Variants in METRN observed in about 807,000 individuals in gnomAD.
METRN encodes meteorin, glial cell differentiation regulator, also known as meteorin.
In METRN, 17 loss-of-function variants were observed where a neutral mutation model predicts 17.4. The observed-to-expected ratio is 0.98, with a 90% CI of 0.67 to 1.46. The LOEUF (loss-of-function observed/expected upper bound fraction) is 1.46, where lower values mean the gene tolerates loss of function less well. Ranked by LOEUF, METRN falls within the 40% of genes most tolerant of loss-of-function variation. METRN has a pLI of 0.00. For synonymous variants in METRN, 230 were observed against 210.8 expected (o/e 1.09, Z -0.79); for missense variants, 489 against 456.2 (o/e 1.07, Z -0.65).
rs1011914002 is a variant in METRN at position 717,421 on chromosome 16, G to A, written c.*34G>A. Reference sequence around the variant, plus strand: ...GTGCTGGGGAGGGGCTGGTAGGAGGGAGGGTGGGCCCACTGCTTTGGAGGT... The same window carrying A: ...GTGCTGGGGAGGGGCTGGTAGGAGGAAGGGTGGGCCCACTGCTTTGGAGGT... On this transcript the variant is annotated 3_prime_UTR_variant, in exon 4 of 4. Transcript: ENST00000568223. 3.0e-5 allele frequency: 36 copies of A among 1,186,586 alleles called. No individual in the cohort carries two copies. The Admixed American group carries it at 7.9e-4, about 26-fold the overall frequency. 73.5% of individuals were successfully genotyped at this position (1,186,586 alleles called of 1,614,324 possible). A position where few individuals can be genotyped will look rare whatever the true frequency, so the allele number is the denominator to read the frequency against.
At position 719,335 on chromosome 16, in the gene METRN, C is replaced by G. The variant is rs1001191934; in HGVS notation, c.*1948C>G. The G allele has an allele frequency of 5.9e-5, 9 of 152,306 alleles. No individual in the cohort carries two copies. The highest frequency in any genetic ancestry group is 2.2e-4 in the African/African-American group (9 of 41,440). 9.4% of individuals were successfully genotyped at this position (152,306 alleles called of 1,614,324 possible). On this transcript the variant is annotated 3_prime_UTR_variant, in exon 4 of 4. Coordinates refer to ENST00000568223, the MANE Select transcript of METRN (RefSeq NM_024042.4). ...CATGCCTGCCCTGGGGACAGGTGGC[C>G]AAAGTGGCATGGGAGATAGGGAGAC...
Position 715,293 on chromosome 16 carries a change from G to A in METRN, c.4G>A (p.Gly2Arg), listed in dbSNP as rs2040150715. 2 of 1,329,414 alleles carry A rather than the reference G, an allele frequency of 1.5e-6. No individual in the cohort carries two copies. Among genetic ancestry groups the A allele is most frequent in the African/African-American group, 1.5e-5 (1 of 65,038 alleles). 82.4% of individuals were successfully genotyped at this position (1,329,414 alleles called of 1,614,324 possible). Reference sequence around the variant, plus strand: ...CCCGGACGCCGCCCGCCGTGCCATGGGGTTCCCGGCCGCGGCGCTGCTCTG... The same window carrying A: ...CCCGGACGCCGCCCGCCGTGCCATGAGGTTCCCGGCCGCGGCGCTGCTCTG... M[G>R]FPAAALLCAL... The change falls in exon 1 of 4, where the codon GGG becomes AGG. Residue 2 changes from glycine (G) to arginine (R), a missense_variant. Gly to Arg is a moderately radical substitution (Grantham distance 125). Transcript: ENST00000568223.
chr16:716,899 A>G, intron 2 of METRN, 34 bp from the exon 3 acceptor site: 1 of 1,534,876 alleles, frequency 6.5e-7, no homozygotes, highest in South Asian at 1.3e-5. Context: ...GGGAGAGGGC[A>G]GGGCCTCTCC....
rs929784240 is a variant in METRN at position 717,375 on chromosome 16, G to C, written c.870G>C (p.Val290=). The C allele has an allele frequency of 8.1e-5, 117 of 1,447,824 alleles. No individual in the cohort carries two copies. The highest frequency in any genetic ancestry group is 1.0e-4 in the Non-Finnish European group (112 of 1,103,610). 89.7% of individuals were successfully genotyped at this position (1,447,824 alleles called of 1,614,324 possible). A position where few individuals can be genotyped will look rare whatever the true frequency, so the allele number is the denominator to read the frequency against. ...ARAAHLHPCE[V]ALH is the part of the protein sequence containing the mutation. Reference sequence around the variant, plus strand: ...CTGCCCACCTCCACCCCTGCGAGGTGGCGCTGCACTGAGGGGCTGGGTGCT... The same window carrying C: ...CTGCCCACCTCCACCCCTGCGAGGTCGCGCTGCACTGAGGGGCTGGGTGCT... Residue 290 remains valine (V), a synonymous_variant, in exon 4 of 4, where the codon GTG becomes GTC. Coordinates refer to ENST00000568223, the MANE Select transcript of METRN (RefSeq NM_024042.4).
In METRN at chr16:717,217, AC is replaced by A; in HGVS notation, c.716del (p.Pro239HisfsTer76). The A allele has an allele frequency of 6.3e-7, 1 of 1,593,688 alleles. No individual in the cohort carries two copies. On this transcript the variant is annotated frameshift_variant, in exon 4 of 4. Transcript: ENST00000568223. LOFTEE classifies it low-confidence loss of function (END_TRUNC). ...SGDQGLTSIR[T>X]PLRCGVHPGP... ...GGACCAGGGGCTGACCTCCATTCGT[AC>A]CCCACTGCGCTGTGGCGTCCACCCG...
At position 718,525 on chromosome 16, in the gene METRN, AAC is replaced by A. The variant is rs1353306442; in HGVS notation, c.*1141_*1142del. The A allele has an allele frequency of 6.6e-6, 1 of 152,302 alleles. No homozygotes were observed. Among genetic ancestry groups the A allele is most frequent in the Non-Finnish European group, 1.5e-5 (1 of 68,102 alleles). 9.4% of individuals were successfully genotyped at this position (152,302 alleles called of 1,614,324 possible). A position where few individuals can be genotyped will look rare whatever the true frequency, so the allele number is the denominator to read the frequency against. ...GGGACACAGCTGTGCAGGGCCCACA[AAC>A]ACGGTCCTTTCTCTAGGTTAGCGGA... On this transcript the variant is annotated 3_prime_UTR_variant, in exon 4 of 4. Transcript: ENST00000568223.
chr16:715,682 C>A lies in METRN; in HGVS notation c.203C>A (p.Thr68Asn), dbSNP rs780915872. ...WLYPAGALRL[T>N]LGGPDPRARP... ...TACCCGGCTGGGGCGCTGCGCCTGA[C>A]CCTGGGCGGCCCCGATCCCAGAGCG... Residue 68 changes from threonine (T) to asparagine (N), a missense_variant, in exon 2 of 4, where the codon ACC (threonine) becomes AAC (asparagine). By Grantham distance (65) the Thr-to-Asn change is moderately conservative (BLOSUM62 0). Transcript: ENST00000568223. The A allele has an allele frequency of 1.6e-5, 23 of 1,411,472 alleles. No homozygotes were observed. The highest frequency in any genetic ancestry group is 9.2e-7 in the Non-Finnish European group (1 of 1,085,710). 87.4% of individuals were successfully genotyped at this position (1,411,472 alleles called of 1,614,324 possible). A position where few individuals can be genotyped will look rare whatever the true frequency, so the allele number is the denominator to read the frequency against.
chr16:716,129 G>GGGACTGCTGGGGAGGGAT (rs1255376960), intron 2 of METRN, 145 bp downstream of exon 2: 131 of 1,351,974 alleles, frequency 9.7e-5, no homozygotes, highest in Non-Finnish European at 1.2e-4. Context: ...CACACAGCCT[G>GGGACTGCTGGGGAGGGAT]GGACTGCTGG....
rs919593843 is a variant in METRN, at chr16:716,982, C to T, written c.555C>T (p.Thr185=). 14 of 1,604,786 alleles carry T rather than the reference C, an allele frequency of 8.7e-6. No individual in the cohort carries two copies. Among genetic ancestry groups the T allele is most frequent in the African/African-American group, 1.3e-5 (1 of 74,918 alleles). ...CTGAGCTGCTCCTGGCCGCATGCACCAGCGACTTCGGTGAGTGTCCCCGCC... is the reference window on the plus strand; with the variant it reads ...CTGAGCTGCTCCTGGCCGCATGCACTAGCGACTTCGGTGAGTGTCCCCGCC... ...SDAELLLAAC[T]SDFVIHGIIH... The change falls in exon 3 of 4, where the codon ACC becomes ACT. Residue 185 remains threonine (T), a synonymous_variant. Transcript: ENST00000568223.
Position 717,373 on chromosome 16 carries a change from GT to G in METRN, c.869del (p.Val290GlyfsTer25). On this transcript the variant is annotated frameshift_variant, in exon 4 of 4. Transcript: ENST00000568223. LOFTEE classifies it high-confidence loss of function. ...TGCTGCCCACCTCCACCCCTGCGAG[GT>G]GGCGCTGCACTGAGGGGCTGGGTGC... ...ARAAHLHPCE[V>X]ALH 1 of 1,457,836 alleles carries G rather than the reference GT, an allele frequency of 6.9e-7. No homozygotes were observed. Among genetic ancestry groups the G allele is most frequent in the East Asian group, 2.5e-5 (1 of 40,456 alleles). 90.3% of individuals were successfully genotyped at this position (1,457,836 alleles called of 1,614,324 possible).
Position 715,691 on chromosome 16 carries a change from GC to G in METRN, c.216del (p.Asp73IlefsTer95), listed in dbSNP as rs1415691730. ...GGGGCGCTGCGCCTGACCCTGGGCG[GC>G]CCCGATCCCAGAGCGCGGCCCGGCA... ...PAGALRLTLG[G>X]PDPRARPGIA... On this transcript the variant is annotated frameshift_variant, in exon 2 of 4. Transcript: ENST00000568223. LOFTEE classifies it high-confidence loss of function. 1.4e-6 allele frequency: 2 copies of G among 1,402,940 alleles called. No homozygotes were observed. The highest frequency in any genetic ancestry group is 1.5e-5 in the South Asian group (1 of 67,048). The allele number at this position is 1,402,940 out of a possible 1,614,324, so 86.9% of individuals were successfully genotyped here.
intron 2 of METRN, 128 bp downstream of exon 2, chr16:716,112 G>A: frequency 7.5e-7 from 1 of 1,339,806 alleles, no homozygotes; most frequent in African/African-American, 1.5e-5. Flanking sequence ...GGATGGGCTT[G>A]TCAGGCCACA....
chr16:717,354 C>G lies in METRN; in HGVS notation c.849C>G (p.Ala283=). 2 of 1,469,754 alleles carry G rather than the reference C, an allele frequency of 1.4e-6. No individual in the cohort carries two copies. The highest frequency in any genetic ancestry group is 1.8e-6 in the Non-Finnish European group (2 of 1,112,746). 91.0% of individuals were successfully genotyped at this position (1,469,754 alleles called of 1,614,324 possible). The change falls in exon 4 of 4, where the codon GCC becomes GCG. Residue 283 remains alanine, a synonymous_variant. Transcript: ENST00000568223. ...GTGCCTACGAGGCTGCCCGTGCTGC[C>G]CACCTCCACCCCTGCGAGGTGGCGC... The part of the protein sequence containing the change: ...FRRAYEAARA[A]HLHPCEVALH
chr16:717,150 C>A lies in METRN; in HGVS notation c.645C>A (p.Val215=), dbSNP rs2040167898. The change falls in exon 4 of 4, where the codon GTC becomes GTA. Residue 215 remains valine (V), a synonymous_variant. Coordinates refer to ENST00000568223, the MANE Select transcript of METRN (RefSeq NM_024042.4). ...TCATCACTGTGGTGGCCGCCCGTGT[C>A]CTCCGCCAGACACCGCCGCTGTTCC... ...ESVITVVAAR[V]LRQTPPLFQA... 6.2e-7 allele frequency: 1 copy of A among 1,603,270 alleles called. No homozygotes were observed.
In METRN at chr16:716,457, C is replaced by T. The variant is rs1483526272; in HGVS notation, c.505+473C>T. ...CTTGCTTGGCTCTCCTGGAGCTTGG[C>T]GCCTGACCCTGAAAGGGATGGGCTC... On this transcript the variant is annotated intron_variant, in intron 2 of 3. Transcript: ENST00000568223. 23 of 1,440,196 alleles carry T rather than the reference C, an allele frequency of 1.6e-5. No homozygotes were observed. In the East Asian group the frequency reaches 3.7e-4, roughly 23 times the overall value. The allele number at this position is 1,440,196 out of a possible 1,614,324, so 89.2% of individuals were successfully genotyped here.
chr16:717,366 CT>C lies in METRN; in HGVS notation c.862del (p.Cys288AlafsTer27). On this transcript the variant is annotated frameshift_variant, in exon 4 of 4. Transcript: ENST00000568223. LOFTEE classifies it high-confidence loss of function. Reference sequence around the variant, plus strand: ...CTGCCCGTGCTGCCCACCTCCACCCCTGCGAGGTGGCGCTGCACTGAGGGGC... The same window carrying C: ...CTGCCCGTGCTGCCCACCTCCACCCCGCGAGGTGGCGCTGCACTGAGGGGC... ...EAARAAHLHP[C>X]EVALH The C allele has an allele frequency of 7.0e-7, 1 of 1,430,758 alleles. No homozygotes were observed. Among genetic ancestry groups the C allele is most frequent in the Non-Finnish European group, 9.1e-7 (1 of 1,096,122 alleles). 88.6% of individuals were successfully genotyped at this position (1,430,758 alleles called of 1,614,324 possible).
At chr16:716,851 C>T (rs543032680) in intron 2 of METRN, 82 bp from the exon 3 acceptor site, 29 of 1,494,422 alleles carry the variant, frequency 1.9e-5, no homozygotes, top group African/African-American at 8.3e-5. Flanking sequence ...TGCCTCCTGC[C>T]GCTTGTGCGG....
Position 716,922 on chromosome 16 carries a change from C to T in METRN, c.506-11C>T. Reference sequence around the variant, plus strand: ...GCAGGGCCTCTCCTCACCACCCCCTCTGCATGCCAGGTGCCTGCAGGCCCT... The same window carrying T: ...GCAGGGCCTCTCCTCACCACCCCCTTTGCATGCCAGGTGCCTGCAGGCCCT... On this transcript the variant is annotated splice_polypyrimidine_tract_variant and intron_variant, in intron 2 of 3. Transcript: ENST00000568223. 6.5e-7 allele frequency: 1 copy of T among 1,543,378 alleles called. No homozygotes were observed. The highest frequency in any genetic ancestry group is 8.8e-7 in the Non-Finnish European group (1 of 1,142,538).
intron 2 of METRN, 30 bp from the exon 3 acceptor site, chr16:716,903 C>T: frequency 6.5e-7 from 1 of 1,537,098 alleles, no homozygotes. Flanking sequence ...GAGGGCAGGG[C>T]CTCTCCTCAC....
Sources: allele counts gnomAD v4.1 joint callset, GRCh38; gene constraint gnomAD v4.1.1; transcripts MANE v1.5; gene names NCBI Gene and HGNC (gene_info 2026-07-23, HGNC 2026-07-21).